The following PTCHD4 variants were observed in gnomAD, a reference collection of about 807,000 sequenced individuals.
The protein encoded by PTCHD4 is patched domain containing 4.
In PTCHD4, 33 loss-of-function variants were observed where a neutral mutation model predicts 58.1. That is an observed-to-expected ratio of 0.57 (90% CI 0.43 to 0.76). The LOEUF (loss-of-function observed/expected upper bound fraction) is 0.76. PTCHD4 is among the 30% of genes least tolerant of loss of function. The probability of loss-of-function intolerance (pLI) is 0.00; values close to 1 mark genes in which losing one functional copy is unlikely to be tolerated. For synonymous variants in PTCHD4, 478 were observed against 409.6 expected (o/e 1.17, Z -2.02); for missense variants, 1,058 against 1,027.1 (o/e 1.03, Z -0.41).
chr6:47,931,254 A>T (rs1653836215), intron 4 of PTCHD4, among the ~76,000 whole-genome samples: 1 of 152,222 alleles, frequency 6.6e-6, no homozygotes, highest in Admixed American at 6.5e-5. Context: ...AATGATCACC[A>T]GTCTTACTCT....
intron 4 of PTCHD4, among the ~76,000 whole-genome samples, chr6:47,949,476 A>G (rs1442209381): frequency 6.6e-6 from 1 of 152,154 alleles, no homozygotes; most frequent in African/African-American, 2.4e-5. Context: ...TGTAGGTTGC[A>G]TCCATAGGCT....
At chr6:47,939,472 C>T (rs893749193) in intron 4 of PTCHD4, among the ~76,000 whole-genome samples, 3 of 151,928 alleles carry the variant, frequency 2.0e-5, no homozygotes, top group African/African-American at 7.3e-5. Context: ...GGAGGAGTGA[C>T]CCAGAAGCGA....
chr6:47,896,952 C>T (rs1764545290), intron 4 of PTCHD4, among the ~76,000 whole-genome samples: 1 of 152,178 alleles, frequency 6.6e-6, no homozygotes, highest in South Asian at 2.1e-4. Context: ...AGGGCAATGA[C>T]TGTGTCTTGC....
chr6:48,095,263 T>C (rs1765440983), intron 1 of PTCHD4, among the ~76,000 whole-genome samples: 1 of 152,238 alleles, frequency 6.6e-6, no homozygotes, highest in South Asian at 2.1e-4. Flanking sequence ...CCATTTACAC[T>C]AAAAATGTAT....
At chr6:48,067,826 T>C (rs1764850061) in intron 3 of PTCHD4, among the ~76,000 whole-genome samples, 1 of 152,196 alleles carries the variant, frequency 6.6e-6, no homozygotes, top group Non-Finnish European at 1.5e-5. Flanking sequence ...ATTTTTCTTT[T>C]TTTTTTTATT....
intron 4 of PTCHD4, among the ~76,000 whole-genome samples, chr6:47,912,979 T>G (rs145943800): frequency 6.6e-6 from 1 of 152,140 alleles, no homozygotes; most frequent in East Asian, 1.9e-4. Flanking sequence ...GAATCTCTCT[T>G]AAAAGTCATC....
intron 4 of PTCHD4, among the ~76,000 whole-genome samples, chr6:47,902,589 G>A (rs1334585562): frequency 6.6e-6 from 1 of 152,188 alleles, no homozygotes; most frequent in East Asian, 1.9e-4. Flanking sequence ...AGTTCAACTA[G>A]AAGATTAATT....
chr6:47,936,750 T>A (rs1175223586), intron 4 of PTCHD4, among the ~76,000 whole-genome samples: 3 of 152,172 alleles, frequency 2.0e-5, no homozygotes, highest in Non-Finnish European at 4.4e-5. Flanking sequence ...CCTTTTACAG[T>A]TTACATTCTA....
Position 47,879,013 on chromosome 6 carries a change from C to A in PTCHD4, c.1822G>T (p.Val608Leu), listed in dbSNP as rs374197450. 2.5e-6 allele frequency: 4 copies of A among 1,613,278 alleles called. No homozygotes were observed. In the African/African-American group the frequency reaches 5.3e-5, roughly 22 times the overall value. Reference sequence around the variant, plus strand: ...TGCTTGTCTCTGCTAGTCCTGGCCACCAGATACAAGCGAGAAGCAATGATA... The same window carrying A: ...TGCTTGTCTCTGCTAGTCCTGGCCAACAGATACAAGCGAGAAGCAATGATA... The part of the protein sequence containing the change: ...SNIIASRLYL[V>L]ARTSRDKQKE... Residue 608 changes from valine to leucine, a missense_variant, in exon 5 of 5, where the codon GTG becomes TTG. Transcript: ENST00000339488.
At chr6:47,918,292 A>G (rs2113880228) in intron 4 of PTCHD4, among the ~76,000 whole-genome samples, 1 of 152,290 alleles carries the variant, frequency 6.6e-6, no homozygotes, top group South Asian at 2.1e-4. Flanking sequence ...TGTAGTAAAG[A>G]TAGAATGCTT....
At chr6:48,006,032 T>A (rs1474204919) in intron 4 of PTCHD4, among the ~76,000 whole-genome samples, 1 of 152,152 alleles carries the variant, frequency 6.6e-6, no homozygotes, top group African/African-American at 2.4e-5. Flanking sequence ...AAATGCCCCC[T>A]TTATGGAGCA....
intron 4 of PTCHD4, among the ~76,000 whole-genome samples, chr6:47,896,900 A>C (rs949521450): frequency 1.3e-5 from 2 of 152,136 alleles, no homozygotes; most frequent in African/African-American, 4.8e-5. Flanking sequence ...TCAGACTCTT[A>C]CTCCAGTGTA....
chr6:47,886,916 T>A (rs1343409532), intron 4 of PTCHD4, among the ~76,000 whole-genome samples: 1 of 152,188 alleles, frequency 6.6e-6, no homozygotes, highest in Non-Finnish European at 1.5e-5. Flanking sequence ...TGCCCTGTAT[T>A]CCAACCCAAA....
chr6:47,920,260 T>TA (rs1262851620), intron 4 of PTCHD4, among the ~76,000 whole-genome samples: 1 of 152,068 alleles, frequency 6.6e-6, no homozygotes, highest in Non-Finnish European at 1.5e-5. Flanking sequence ...AAATAGAACT[T>TA]ACTGAGGATA....
At chr6:48,025,400 A>G (rs1286687927) in intron 3 of PTCHD4, among the ~76,000 whole-genome samples, 5 of 152,310 alleles carry the variant, frequency 3.3e-5, no homozygotes, top group Middle Eastern at 3.4e-3. Context: ...TACAGGCACA[A>G]AAATATAAAA....
At chr6:47,903,172 CTT>C (rs1764767004) in intron 4 of PTCHD4, among the ~76,000 whole-genome samples, 1 of 151,976 alleles carries the variant, frequency 6.6e-6, no homozygotes, top group South Asian at 2.1e-4. Flanking sequence ...TATGTACAAA[CTT>C]TTTTTCAGCT....
At position 47,876,938 on chromosome 6, in the gene PTCHD4, C is replaced by T; in HGVS notation, c.*1365G>A. Among the ~76,000 whole-genome samples the T allele has an allele frequency of 6.6e-6, 1 of 151,852 alleles. No homozygotes were observed. Among genetic ancestry groups the T allele is most frequent in the Non-Finnish European group, 1.5e-5 (1 of 67,860 alleles). On this transcript the variant is annotated 3_prime_UTR_variant, in exon 5 of 5. Coordinates refer to ENST00000339488, the MANE Select transcript of PTCHD4 (RefSeq NM_001384253.1). ...CCACCTGTGGAGAGCTGCGATCACC[C>T]TAGGAGGTGGGCCAACCGAGGAGCA...
At chr6:47,920,682 T>A (rs369665520) in intron 4 of PTCHD4, among the ~76,000 whole-genome samples, 1 of 152,080 alleles carries the variant, frequency 6.6e-6, no homozygotes, top group Non-Finnish European at 1.5e-5. Context: ...CTTATAAAGA[T>A]CCACCCATAC....
At position 47,856,694 on chromosome 6, in the gene PTCHD4, T is replaced by C. The variant is rs1299320499; in HGVS notation, c.*21609A>G. On this transcript the variant is annotated 3_prime_UTR_variant, in exon 5 of 5. Coordinates refer to ENST00000339488, the MANE Select transcript of PTCHD4 (RefSeq NM_001384253.1). ...TTCATTTTCTTTGACAAAACTTTAA[T>C]TAGAAAACCAGACTCCTCTGATTAT... Among the ~76,000 whole-genome samples the C allele has an allele frequency of 6.6e-6, 1 of 152,044 alleles. No individual in the cohort carries two copies. The highest frequency in any genetic ancestry group is 1.5e-5 in the Non-Finnish European group (1 of 68,002).
Sources: gnomAD v4.1 joint callset for allele counts (sites outside exome capture counted in the v4.1 genomes callset) on GRCh38, gnomAD v4.1.1 for gene constraint, MANE v1.5 for transcripts, NCBI Gene and HGNC (gene_info 2026-07-23, HGNC 2026-07-21) for gene names.